Variants in IL6R observed in about 807,000 individuals in gnomAD.
IL6R encodes interleukin-6 receptor subunit alpha.
In IL6R, 38 loss-of-function variants were observed where a neutral mutation model predicts 48.3. That is an observed-to-expected ratio of 0.79 (90% confidence interval 0.61 to 1.03). The LOEUF (loss-of-function observed/expected upper bound fraction) is 1.03. Among genes scored for constraint, IL6R ranks in the 50% least tolerant of loss-of-function variants. IL6R has a pLI of 0.00. For synonymous variants in IL6R, 264 were observed against 256.2 expected, an observed-to-expected ratio of 1.03 and a Z score of -0.29; for missense variants, 534 against 618.3, an observed-to-expected ratio of 0.86 and a Z score of 1.45.
At chr1:154,459,783 T>C (rs774979785) in intron 9 of IL6R, among the ~76,000 whole-genome samples, 5 of 152,222 alleles carry the variant, frequency 3.3e-5, no homozygotes, top group African/African-American at 4.8e-5. Context: ...TATCAGGCAC[T>C]GGGAAAATAG....
intron 1 of IL6R, among the ~76,000 whole-genome samples, chr1:154,426,258 C>T: frequency 6.6e-6 from 1 of 152,078 alleles, no homozygotes. Flanking sequence ...CGCCTGTAAT[C>T]CCAGCACTTT....
rs759921343 is a variant in IL6R, at chr1:154,465,398, G to A, written c.*18G>A. 2.0e-5 allele frequency: 33 copies of A among 1,613,766 alleles called. No homozygotes were observed. Among genetic ancestry groups the A allele is most frequent in the Non-Finnish European group, 2.7e-5 (32 of 1,179,852 alleles). On this transcript the variant is annotated 3_prime_UTR_variant, in exon 10 of 10. Transcript: ENST00000368485. ...CCAGATAGCTGGCTGGGTGGCACCA[G>A]CAGCCTGGACCCTGTGGATGATAAA... is the stretch of plus-strand genomic sequence containing the variant.
At chr1:154,426,249 G>A (rs1176087504) in intron 1 of IL6R, among the ~76,000 whole-genome samples, 5 of 152,030 alleles carry the variant, frequency 3.3e-5, no homozygotes, top group East Asian at 1.9e-4. Flanking sequence ...GGTGGCTCAC[G>A]CCTGTAATCC....
chr1:154,435,409 T>C (rs1689559553), intron 5 of IL6R, among the ~76,000 whole-genome samples: 1 of 150,980 alleles, frequency 6.6e-6, no homozygotes, highest in Non-Finnish European at 1.5e-5. Flanking sequence ...ATTCGGGGGC[T>C]GAGACAGGAG....
Position 154,434,710 on chromosome 1 carries a change from C to T in IL6R, c.640+10C>T. 6.2e-7 allele frequency: 1 copy of T among 1,608,240 alleles called. No homozygotes were observed. Among genetic ancestry groups the T allele is most frequent in the Non-Finnish European group, 8.5e-7 (1 of 1,176,474 alleles). ...CAGGGTTGTGGAATCTGTACGTAAGCTCTAACCCCCTCTCCAGCAGTTTCC... is the reference window on the plus strand; with the variant it reads ...CAGGGTTGTGGAATCTGTACGTAAGTTCTAACCCCCTCTCCAGCAGTTTCC... On this transcript the variant is annotated intron_variant, in intron 4 of 9. Coordinates refer to ENST00000368485, the MANE Select transcript of IL6R (RefSeq NM_000565.4).
chr1:154,425,508 T>G (rs10908838), intron 1 of IL6R, among the ~76,000 whole-genome samples: 89,739 of 151,920 alleles, frequency 0.59, 26,899 homozygotes, highest in African/African-American at 0.66. Flanking sequence ...CGGGCCAGGT[T>G]GTCATCCCTC....
chr1:154,438,837 G>A (rs1456902194), intron 6 of IL6R, among the ~76,000 whole-genome samples: 1 of 152,116 alleles, frequency 6.6e-6, no homozygotes, highest in African/African-American at 2.4e-5. Flanking sequence ...CATCTTTGTT[G>A]GCACTTTCCT....
At chr1:154,437,559 G>A (rs755285462) in intron 6 of IL6R, 4 of 402,374 alleles carry the variant, frequency 9.9e-6, no homozygotes, top group Admixed American at 3.0e-5. Flanking sequence ...GACCACAGGC[G>A]TGTGCCACAA....
chr1:154,431,172 T>G (rs1201174846), intron 3 of IL6R, among the ~76,000 whole-genome samples: 4 of 152,102 alleles, frequency 2.6e-5, no homozygotes, highest in Non-Finnish European at 5.9e-5. Flanking sequence ...AAGTCACGCC[T>G]GCCTGGGGGC....
chr1:154,435,868 A>G, intron 5 of IL6R, 101 bp from the exon 6 acceptor site: 1 of 1,081,976 alleles, frequency 9.2e-7, no homozygotes. Context: ...GGCCTCTGCC[A>G]GCTGAAGCAC....
rs1013573350 is a variant in IL6R at position 154,458,142 on chromosome 1, AT to A, written c.1160+3570del. 1.7e-4 allele frequency among the ~76,000 whole-genome samples: 25 copies of A among 148,378 alleles called. No individual in the cohort carries two copies. In the East Asian group the frequency reaches 3.6e-3, roughly 21 times the overall value. ...CCACCACGCCTGGCTAATTTTTTGT[AT>A]TTTTTTTTAGTAGAGACGGGGTTTC... On this transcript the variant is annotated intron_variant, in intron 9 of 9. Transcript: ENST00000368485.
chr1:154,458,121 C>G (rs944492437), intron 9 of IL6R, among the ~76,000 whole-genome samples: 12 of 151,966 alleles, frequency 7.9e-5, no homozygotes, highest in African/African-American at 2.7e-4. Context: ...CGCCCACCAC[C>G]ACGCCTGGCT....
intron 1 of IL6R, among the ~76,000 whole-genome samples, chr1:154,406,893 A>C (rs72698115): frequency 0.07 from 10,689 of 152,256 alleles, 501 homozygotes; most frequent in Non-Finnish European, 0.099. Flanking sequence ...CACCCATTCA[A>C]TGTTTTCTAA....
chr1:154,414,488 G>A (rs981156838), intron 1 of IL6R: 6 of 924,826 alleles, frequency 6.5e-6, no homozygotes, highest in African/African-American at 4.9e-5. Context: ...GTTGGGGCCC[G>A]GGACCCACCC....
Position 154,405,864 on chromosome 1 carries a change from T to C in IL6R, c.85+150T>C. 1 of 628,972 alleles carries C rather than the reference T, an allele frequency of 1.6e-6. No homozygotes were observed. The highest frequency in any genetic ancestry group is 2.1e-5 in the South Asian group (1 of 48,748). The allele number at this position is 628,972 out of a possible 1,614,324, so 39.0% of individuals were successfully genotyped here. ...GCTGCCTTGAGGCCCCGCGGGTACC[T>C]AGCTGTGTGGTCGCGGGTAGTGGCT... is the stretch of plus-strand genomic sequence containing the variant. On this transcript the variant is annotated intron_variant, in intron 1 of 9. Transcript: ENST00000368485. The surrounding 1 kb of genome is among the most constrained non-coding windows in gnomAD (Gnocchi z 5.2).
At chr1:154,418,135 G>A (rs1262733081) in intron 1 of IL6R, among the ~76,000 whole-genome samples, 2 of 152,222 alleles carry the variant, frequency 1.3e-5, no homozygotes, top group Non-Finnish European at 2.9e-5. Context: ...CTCCCAAAGT[G>A]CTGAGATTAC....
rs568972000 is a variant in IL6R, at chr1:154,428,525, C to T, written c.86-671C>T. ...CCTGGCATTCATTCCTAATGGCATC[C>T]ATTCGTTCACACATTCATCCAGTAC... On this transcript the variant is annotated intron_variant, in intron 1 of 9. Transcript: ENST00000368485. Among the ~76,000 whole-genome samples the T allele has an allele frequency of 8.5e-5, 13 of 152,340 alleles. No homozygotes were observed. In the East Asian group the frequency reaches 2.5e-3, roughly 29 times the overall value.
chr1:154,435,407 G>T (rs536267796), intron 5 of IL6R, among the ~76,000 whole-genome samples: 35 of 152,086 alleles, frequency 2.3e-4, no homozygotes, highest in African/African-American at 8.2e-4. Context: ...CTATTCGGGG[G>T]CTGAGACAGG....
Position 154,405,628 on chromosome 1 carries a change from G to A in IL6R, c.-2G>A, listed in dbSNP as rs764552452. The A allele has an allele frequency of 3.3e-6, 5 of 1,532,180 alleles. No individual in the cohort carries two copies. The Admixed American group carries it at 9.7e-5, about 30-fold the overall frequency. The allele number at this position is 1,532,180 out of a possible 1,614,324, so 94.9% of individuals were successfully genotyped here. A position where few individuals can be genotyped will look rare whatever the true frequency, so the allele number is the denominator to read the frequency against. On this transcript the variant is annotated 5_prime_UTR_variant, in exon 1 of 10. Transcript: ENST00000368485. This position sits in a 1 kb window ranked among gnomAD's most constrained non-coding sequence, Gnocchi z 5.2. ...CCATGGAGTGGTAGCCGAGGAGGAA[G>A]CATGCTGGCCGTCGGCTGCGCGCTG...
Sources: allele counts gnomAD v4.1 joint callset (sites outside exome capture counted in the v4.1 genomes callset), GRCh38; gene constraint gnomAD v4.1.1; non-coding constraint Gnocchi (gnomAD v3.1); transcripts MANE v1.5; gene names NCBI Gene and HGNC (gene_info 2026-07-23, HGNC 2026-07-21).